Variants in GRM1 observed in about 807,000 individuals in gnomAD.
GRM1 encodes metabotropic glutamate receptor 1.
A neutral mutation model predicts 90.9 loss-of-function variants in GRM1; 33 were observed. That is an observed-to-expected ratio of 0.36 (90% CI 0.28 to 0.49). GRM1 has a LOEUF of 0.49. Ranked by LOEUF, GRM1 falls within the 20% of genes least tolerant of loss-of-function variation. The pLI, the probability that GRM1 is intolerant of heterozygous loss-of-function variation, is 0.99. For synonymous variants in GRM1, 700 were observed against 613.2 expected (o/e 1.14, Z -2.09); for missense variants, 1,190 against 1,534.3 (o/e 0.78, Z 3.75).
In GRM1 at chr6:146,159,461, C is replaced by T; in HGVS notation, c.814C>T (p.Arg272Ter). Residue 272 changes from arginine (R) to a stop codon, truncating the protein, a stop_gained, in exon 2 of 8, where the codon CGA (arginine) becomes TGA (stop). Coordinates refer to ENST00000282753, the MANE Select transcript of GRM1 (RefSeq NM_001278064.2). LOFTEE classifies it high-confidence loss of function. ...CAACGCTGGGGAGAAGAGCTTTGAC[C>T]GACTCTTGCGCAAACTCCGAGAGAG... ...YSNAGEKSFD[R>*]LLRKLRERLP... 3 of 1,614,182 alleles carry T rather than the reference C, an allele frequency of 1.9e-6. No individual in the cohort carries two copies. Among genetic ancestry groups the T allele is most frequent in the Non-Finnish European group, 2.5e-6 (3 of 1,180,020 alleles).
rs560217747 is a variant in GRM1, at chr6:146,425,088, A to T, written c.2661-8784A>T. Among the ~76,000 whole-genome samples, 4 of 152,302 alleles carry T rather than the reference A, an allele frequency of 2.6e-5. No individual in the cohort carries two copies. The South Asian group carries it at 8.3e-4, about 32-fold the overall frequency. On this transcript the variant is annotated intron_variant, in intron 7 of 7. Transcript: ENST00000282753. The stretch of plus-strand genomic sequence containing the variant: ...TTACACCAAGGTGTCTCAAATTCTT[A>T]TCTTTTGATGAGGATTTCAAATTAC...
chr6:146,080,762 T>C (rs567306211), intron 1 of GRM1, among the ~76,000 whole-genome samples: 2 of 152,264 alleles, frequency 1.3e-5, no homozygotes, highest in African/African-American at 4.8e-5. Context: ...TTCCCAACTG[T>C]GGGTCGGAAG....
At chr6:146,102,460 G>C (rs1162309053) in intron 1 of GRM1, among the ~76,000 whole-genome samples, 1 of 152,042 alleles carries the variant, frequency 6.6e-6, no homozygotes, top group East Asian at 1.9e-4. Context: ...TCTTATCCTG[G>C]TTAAAAGCAT....
rs544297887 is a variant in GRM1 at position 146,097,607 on chromosome 6, A to G, written c.701-61741A>G. Among the ~76,000 whole-genome samples the G allele has an allele frequency of 2.6e-5, 4 of 152,332 alleles. No individual in the cohort carries two copies. The South Asian group carries it at 8.3e-4, about 32-fold the overall frequency. On this transcript the variant is annotated intron_variant, in intron 1 of 7. Transcript: ENST00000282753. ...TTCTGTGTTCTCAAAGTTGGGTTCC[A>G]AATTACCTATCCAGTATCTTCCCCC...
At chr6:146,122,523 G>A (rs1776029454) in intron 1 of GRM1, among the ~76,000 whole-genome samples, 1 of 152,012 alleles carries the variant, frequency 6.6e-6, no homozygotes, top group South Asian at 2.1e-4. Context: ...TCTCTTGATA[G>A]GTGTCAGTTC....
At chr6:146,321,990 G>A (rs1356485555) in intron 3 of GRM1, among the ~76,000 whole-genome samples, 4 of 152,084 alleles carry the variant, frequency 2.6e-5, no homozygotes, top group Non-Finnish European at 5.9e-5. Flanking sequence ...ATCGTTTGGA[G>A]GAGAAGAGGC....
chr6:146,271,499 G>T (rs1004694686), intron 2 of GRM1, among the ~76,000 whole-genome samples: 6 of 152,124 alleles, frequency 3.9e-5, no homozygotes, highest in Non-Finnish European at 8.8e-5. Flanking sequence ...GGCCTCTGAG[G>T]GAATCCTGGA....
intron 4 of GRM1, among the ~76,000 whole-genome samples, chr6:146,355,631 C>T (rs1785555379): frequency 6.6e-6 from 1 of 152,216 alleles, no homozygotes; most frequent in Admixed American, 6.5e-5. Flanking sequence ...AAGCAGAAAA[C>T]CCAATCAACT....
intron 3 of GRM1, among the ~76,000 whole-genome samples, chr6:146,348,503 T>C (rs1290205552): frequency 6.6e-6 from 1 of 152,214 alleles, no homozygotes; most frequent in East Asian, 1.9e-4. Context: ...CTCCTGGGTG[T>C]ACAGAGCCCA....
intron 1 of GRM1, among the ~76,000 whole-genome samples, chr6:146,148,356 GT>G (rs1239809828): frequency 1.3e-5 from 2 of 151,960 alleles, no homozygotes; most frequent in African/African-American, 4.8e-5. Context: ...TTTTATACTT[GT>G]TCTTTAAGCT....
intron 2 of GRM1, among the ~76,000 whole-genome samples, chr6:146,261,673 CTTA>C (rs530949349): frequency 2.0e-5 from 3 of 151,706 alleles, no homozygotes; most frequent in Admixed American, 6.6e-5. Flanking sequence ...GCCTAACTGC[CTTA>C]TTATTATTAT....
intron 5 of GRM1, among the ~76,000 whole-genome samples, chr6:146,376,541 A>G (rs1776106398): frequency 6.6e-6 from 1 of 151,904 alleles, no homozygotes; most frequent in Non-Finnish European, 1.5e-5. Flanking sequence ...GGATATTTTC[A>G]TCAAATATAC....
At chr6:146,207,731 G>T (rs2114635712) in intron 2 of GRM1, among the ~76,000 whole-genome samples, 1 of 152,250 alleles carries the variant, frequency 6.6e-6, no homozygotes, top group East Asian at 1.9e-4. Flanking sequence ...TTTGATGAGA[G>T]GGGGAAGAAG....
At chr6:146,228,088 A>C (rs1288398988) in intron 2 of GRM1, among the ~76,000 whole-genome samples, 2 of 152,166 alleles carry the variant, frequency 1.3e-5, no homozygotes, top group African/African-American at 4.8e-5. Context: ...ACTACAAAGC[A>C]TTTATCAACT....
intron 1 of GRM1, among the ~76,000 whole-genome samples, chr6:146,106,949 T>G (rs1419766768): frequency 6.6e-6 from 1 of 152,226 alleles, no homozygotes; most frequent in Admixed American, 6.5e-5. Flanking sequence ...ACTTTCTTGA[T>G]TCTGTACTTC....
Position 146,398,783 on chromosome 6 carries a change from C to T in GRM1, c.1744C>T (p.Pro582Ser), listed in dbSNP as rs1777058099. Residue 582 changes from proline to serine, a missense_variant, in exon 7 of 8, where the codon CCT becomes TCT. Pro to Ser is a moderately conservative substitution (Grantham distance 74). Coordinates refer to ENST00000282753, the MANE Select transcript of GRM1 (RefSeq NM_001278064.2). Reference sequence around the variant, plus strand: ...TCTCATCACAGGCTGTGAGCCCATTCCTGTGCGCTATCTTGAGTGGAGCAA... The same window carrying T: ...TCTCATCACAGGCTGTGAGCCCATTTCTGTGCGCTATCTTGAGTGGAGCAA... ...NADLTGCEPI[P>S]VRYLEWSNIE... The T allele has an allele frequency of 1.2e-6, 2 of 1,611,544 alleles. No homozygotes were observed. The highest frequency in any genetic ancestry group is 1.3e-5 in the African/African-American group (1 of 74,978).
chr6:146,402,201 G>A (rs1276082961), intron 7 of GRM1, among the ~76,000 whole-genome samples: 2 of 152,114 alleles, frequency 1.3e-5, no homozygotes, highest in Admixed American at 6.6e-5. Context: ...CTAATTAAAA[G>A]TTATAACCCG....
intron 1 of GRM1, among the ~76,000 whole-genome samples, chr6:146,141,199 AT>A (rs1312914444): frequency 6.6e-6 from 1 of 151,646 alleles, no homozygotes; most frequent in Non-Finnish European, 1.5e-5. Flanking sequence ...TAAATATGTC[AT>A]GACACTGTTT....
Position 146,141,310 on chromosome 6 carries a change from A to AT in GRM1, c.701-18028dup, listed in dbSNP as rs955677817. On this transcript the variant is annotated intron_variant, in intron 1 of 7. Coordinates refer to ENST00000282753, the MANE Select transcript of GRM1 (RefSeq NM_001278064.2). ...TTTTTTTTCTCTTGCTGCTTCTAAG[A>AT]TTTTTTTTTTGTCCTTGACCTTGGG... Among the ~76,000 whole-genome samples the AT allele has an allele frequency of 2.6e-3, 365 of 138,128 alleles. 2 individuals are homozygous for AT. Among genetic ancestry groups the AT allele is most frequent in the African/African-American group, 7.9e-3 (297 of 37,522 alleles). The allele number at this position is 138,128 out of a possible 152,430, so 90.6% of individuals were successfully genotyped here.
Sources: allele counts gnomAD v4.1 joint callset (sites outside exome capture counted in the v4.1 genomes callset), GRCh38; gene constraint gnomAD v4.1.1; transcripts MANE v1.5; gene names NCBI Gene and HGNC (gene_info 2026-07-23, HGNC 2026-07-21).